The following BBS2 variants were observed in gnomAD, a reference collection of about 807,000 sequenced individuals.
The protein encoded by BBS2 is Bardet-Biedl syndrome 2, also known as BBSome complex member BBS2.
A neutral mutation model predicts 83.0 loss-of-function variants in BBS2; 62 were observed. That is an observed-to-expected ratio of 0.75 (90% CI 0.61 to 0.92). The LOEUF is 0.92. BBS2 is among the 40% of genes least tolerant of loss of function. The pLI is 0.00. For missense variants in BBS2, 784 were observed against 901.0 expected (o/e 0.87, Z 1.66); for synonymous variants, 303 against 326.1 (o/e 0.93, Z 0.76).
intron 15 of BBS2, among the ~76,000 whole-genome samples, chr16:56,494,966 A>G (rs1267534936): frequency 6.6e-6 from 1 of 151,940 alleles, no homozygotes; most frequent in Non-Finnish European, 1.5e-5. Flanking sequence ...CGTCTCGAAA[A>G]AAAAAAAAAA....
Position 56,485,447 on chromosome 16 carries a change from A to G in BBS2, c.2059+143T>C, listed in dbSNP as rs913885949. 1.1e-5 allele frequency: 13 copies of G among 1,156,686 alleles called. 1 individual carries two copies. The highest frequency in any genetic ancestry group is 2.4e-5 in the East Asian group (1 of 42,314). The allele number at this position is 1,156,686 out of a possible 1,614,324, so 71.7% of individuals were successfully genotyped here. ...AAACACTAGGCCGACTGACTGAAAC[A>G]TAAGTGACTGGTGCCAGCTCTGGAG... On this transcript the variant is annotated intron_variant, in intron 16 of 16. Transcript: ENST00000245157.
chr16:56,476,880 C>T (rs1398676240), intron 17 of BBS2: 1 of 152,306 alleles, frequency 6.6e-6, no homozygotes, highest in Non-Finnish European at 1.5e-5. Flanking sequence ...CCTGTAATCC[C>T]AGCACTTGGG....
At chr16:56,506,641 A>G (rs1490580803) in intron 5 of BBS2, among the ~76,000 whole-genome samples, 2 of 152,218 alleles carry the variant, frequency 1.3e-5, no homozygotes, top group Admixed American at 1.3e-4. Flanking sequence ...TCAATTTTTA[A>G]AAGACTTATA....
chr16:56,485,696 ATTAAGGT>A lies in BBS2; in HGVS notation c.1946_1952del (p.Asp649ValfsTer5), dbSNP rs745951028. On this transcript the variant is annotated frameshift_variant, in exon 16 of 17. Transcript: ENST00000245157. LOFTEE classifies it high-confidence loss of function. ...TTTTATATCCATTTAGCAAGTCTCT[ATTAAGGT>A]CATAGAGTTCCATATAACGACTCTT... The A allele has an allele frequency of 9.3e-6, 15 of 1,613,798 alleles. No individual in the cohort carries two copies. Among genetic ancestry groups the A allele is most frequent in the Non-Finnish European group, 1.1e-5 (13 of 1,179,812 alleles).
chr16:56,495,932 A>C (rs1403149093), intron 15 of BBS2, among the ~76,000 whole-genome samples: 1 of 151,860 alleles, frequency 6.6e-6, no homozygotes, highest in Non-Finnish European at 1.5e-5. Flanking sequence ...GAGATGAAAA[A>C]AGATCAGTCT....
At chr16:56,474,677 A>T (rs1430282022) in intron 17 of BBS2, 1 of 607,868 alleles carries the variant, frequency 1.6e-6, no homozygotes, top group Non-Finnish European at 2.7e-6. Context: ...ATCTTTTATA[A>T]GGCTGGATTG....
At chr16:56,504,168 C>A (rs760376391) in intron 7 of BBS2, among the ~76,000 whole-genome samples, 6 of 152,072 alleles carry the variant, frequency 3.9e-5, no homozygotes, top group Non-Finnish European at 5.9e-5. Context: ...ATCATGGAAG[C>A]CTGAAAATTA....
chr16:56,474,788 G>A, intron 17 of BBS2: 1 of 1,568,780 alleles, frequency 6.4e-7, no homozygotes, highest in Non-Finnish European at 8.7e-7. Context: ...TTCTATCAAG[G>A]TTATTTTTTA....
chr16:56,519,719 G>A lies in BBS2; in HGVS notation c.117+27C>T, dbSNP rs369575291. The stretch of plus-strand genomic sequence containing the variant: ...GAGATCCTGTGGTTCCCTGGGGCCC[G>A]GGCTCCCTGCGGGTGGGAGCGGTTA... On this transcript the variant is annotated intron_variant, in intron 1 of 16. Coordinates refer to ENST00000245157, the MANE Select transcript of BBS2 (RefSeq NM_031885.5). The A allele has an allele frequency of 1.3e-5, 20 of 1,559,972 alleles. No homozygotes were observed. In the African/African-American group the frequency reaches 2.2e-4, roughly 17 times the overall value.
intron 17 of BBS2, chr16:56,476,163 C>T (rs1567558807): frequency 1.2e-6 from 2 of 1,613,300 alleles, no homozygotes; most frequent in East Asian, 4.5e-5. Context: ...CCTTCCCAAA[C>T]AGAACAGGTT....
chr16:56,498,672 G>T, intron 12 of BBS2, 104 bp from the exon 13 acceptor site: 2 of 1,572,662 alleles, frequency 1.3e-6, no homozygotes, highest in Non-Finnish European at 1.7e-6. Context: ...TGAGGGAAGA[G>T]TTCTCCTTCT....
At chr16:56,473,365 T>C (rs1010428112) in intron 17 of BBS2, among the ~76,000 whole-genome samples, 10 of 152,262 alleles carry the variant, frequency 6.6e-5, no homozygotes, top group Non-Finnish European at 1.5e-4. Context: ...ATCTATTGGA[T>C]CAGATGACCT....
At chr16:56,513,597 T>C (rs1229422979) in intron 2 of BBS2, among the ~76,000 whole-genome samples, 2 of 152,220 alleles carry the variant, frequency 1.3e-5, no homozygotes, top group Non-Finnish European at 2.9e-5. Flanking sequence ...TCACAAATGA[T>C]TACATATTAT....
intron 15 of BBS2, among the ~76,000 whole-genome samples, chr16:56,493,026 A>G (rs1964004177): frequency 6.6e-6 from 1 of 152,184 alleles, no homozygotes; most frequent in Admixed American, 6.5e-5. Flanking sequence ...TGTAGCCGTA[A>G]AGACAAATGA....
At chr16:56,488,063 A>G (rs759291977) in intron 15 of BBS2, among the ~76,000 whole-genome samples, 30 of 152,242 alleles carry the variant, frequency 2.0e-4, no homozygotes, top group Non-Finnish European at 2.9e-4. Flanking sequence ...AGTAGTATAC[A>G]GTAGTTAAGA....
intron 17 of BBS2, chr16:56,476,421 CTTTT>C: frequency 3.5e-6 from 1 of 286,868 alleles, no homozygotes; most frequent in Non-Finnish European, 6.3e-6. Context: ...AAAAAGTTGG[CTTTT>C]TTTTTTTTAA....
intron 17 of BBS2, among the ~76,000 whole-genome samples, chr16:56,472,340 T>C (rs978498130): frequency 6.6e-6 from 1 of 152,172 alleles, no homozygotes; most frequent in Non-Finnish European, 1.5e-5. Context: ...ATAAAATCTA[T>C]ATGGGCAGCC....
At chr16:56,495,357 A>C (rs1964087457) in intron 15 of BBS2, among the ~76,000 whole-genome samples, 1 of 152,240 alleles carries the variant, frequency 6.6e-6, no homozygotes, top group African/African-American at 2.4e-5. Flanking sequence ...TCATGGAAGT[A>C]AACAACACTA....
At position 56,502,473 on chromosome 16, in the gene BBS2, A is replaced by T. The variant is rs181378647; in HGVS notation, c.941-17T>A. The T allele has an allele frequency of 6.2e-7, 1 of 1,614,124 alleles. No individual in the cohort carries two copies. The highest frequency in any genetic ancestry group is 8.5e-7 in the Non-Finnish European group (1 of 1,180,030). On this transcript the variant is annotated splice_polypyrimidine_tract_variant and intron_variant, in intron 8 of 16. Coordinates refer to ENST00000245157, the MANE Select transcript of BBS2 (RefSeq NM_031885.5). Reference sequence around the variant, plus strand: ...AGCCCCGGACTGAACAGAAGGAAAAAACCGCAAGTATAACCAGGTATACTT... The same window carrying T: ...AGCCCCGGACTGAACAGAAGGAAAATACCGCAAGTATAACCAGGTATACTT...
Sources: allele counts gnomAD v4.1 joint callset (sites outside exome capture counted in the v4.1 genomes callset), GRCh38; gene constraint gnomAD v4.1.1; transcripts MANE v1.5; gene names NCBI Gene and HGNC (gene_info 2026-07-23, HGNC 2026-07-21).